SORCS2: variants seen among roughly 807,000 people sequenced by gnomAD.
SORCS2 encodes sortilin related VPS10 domain containing receptor 2.
Under a neutral mutation model 141.6 loss-of-function variants are expected in SORCS2, and 100 were observed. The ratio of observed to expected loss-of-function variants is 0.71; its 90% CI spans 0.60 to 0.83. The LOEUF is 0.83. SORCS2 is among the 40% of genes least tolerant of loss of function. The pLI is 0.00. For synonymous variants in SORCS2, 789 were observed against 676.9 expected, an observed-to-expected ratio of 1.17 and a Z score of -2.57; for missense variants, 1,646 against 1,560.2, an observed-to-expected ratio of 1.05 and a Z score of -0.93.
intron 3 of SORCS2, among the ~76,000 whole-genome samples, chr4:7,636,723 C>T (rs1419816040): frequency 2.6e-5 from 4 of 152,076 alleles, no homozygotes; most frequent in African/African-American, 9.7e-5. Flanking sequence ...CTCCCTTCCT[C>T]ACGCCTCCCT....
chr4:7,565,289 G>A (rs2109688592), intron 3 of SORCS2, among the ~76,000 whole-genome samples: 1 of 152,300 alleles, frequency 6.6e-6, no homozygotes, highest in Non-Finnish European at 1.5e-5. Flanking sequence ...GAAGTGAGAG[G>A]ATTATTCTGC....
rs1038946278 is a variant in SORCS2, at chr4:7,380,297, C to T, written c.481-15991C>T. ...TCTGGCTTTAAACAAGTAACATTCA[C>T]AGGGGACAGGCTTTTGTGGTTTCAT... is the stretch of plus-strand genomic sequence containing the variant. On this transcript the variant is annotated intron_variant, in intron 1 of 26. Coordinates refer to ENST00000507866, the MANE Select transcript of SORCS2 (RefSeq NM_020777.3). Among the ~76,000 whole-genome samples the T allele has an allele frequency of 4.8e-5, 7 of 146,402 alleles. No individual in the cohort carries two copies. The East Asian group carries it at 1.3e-3, about 28-fold the overall frequency.
intron 1 of SORCS2, among the ~76,000 whole-genome samples, chr4:7,241,826 C>T (rs1041001198): frequency 2.0e-5 from 3 of 152,208 alleles, no homozygotes; most frequent in Admixed American, 2.0e-4. Flanking sequence ...AATGAGCAAA[C>T]ATCTGTGTGC....
Position 7,697,277 on chromosome 4 carries a change from A to G in SORCS2, c.1668+3A>G. 3 of 1,582,394 alleles carry G rather than the reference A, an allele frequency of 1.9e-6. No homozygotes were observed. The highest frequency in any genetic ancestry group is 2.6e-6 in the Non-Finnish European group (3 of 1,164,554). On this transcript the variant is annotated splice_donor_region_variant and intron_variant, in intron 12 of 26. Transcript: ENST00000507866. ...ACTGTGGTCACACCTGGCGGCAGGT[A>G]AGCTGGCTGGGAGGTGCCTGGTACC...
At chr4:7,531,388 A>C (rs1560361301) in intron 2 of SORCS2, 142 bp from the exon 3 acceptor site, 1 of 676,886 alleles carries the variant, frequency 1.5e-6, no homozygotes, top group South Asian at 1.9e-5. Flanking sequence ...CACTGCCCCC[A>C]GGCAGAGTGC....
intron 4 of SORCS2, among the ~76,000 whole-genome samples, chr4:7,647,567 G>A (rs971795468): frequency 2.0e-5 from 3 of 152,338 alleles, no homozygotes; most frequent in East Asian, 3.9e-4. Flanking sequence ...AGGGACGTTT[G>A]CTGCAATTGC....
chr4:7,717,009 G>A (rs1469680684), intron 17 of SORCS2, among the ~76,000 whole-genome samples: 3 of 152,230 alleles, frequency 2.0e-5, no homozygotes, highest in Non-Finnish European at 4.4e-5. Context: ...CAAGAGGGGG[G>A]ATCAGCCTTG....
chr4:7,418,064 T>C (rs895267425), intron 2 of SORCS2, among the ~76,000 whole-genome samples: 2 of 152,146 alleles, frequency 1.3e-5, no homozygotes, highest in Non-Finnish European at 2.9e-5. Flanking sequence ...AGCTGGAGGC[T>C]CTTACCAGTT....
At chr4:7,549,517 G>A (rs536997545) in intron 3 of SORCS2, among the ~76,000 whole-genome samples, 76 of 152,228 alleles carry the variant, frequency 5.0e-4, no homozygotes, top group African/African-American at 1.6e-3. Flanking sequence ...GTCACTGGTC[G>A]CCTAAGGGCT....
intron 3 of SORCS2, among the ~76,000 whole-genome samples, chr4:7,574,703 G>A (rs1264900765): frequency 2.0e-5 from 3 of 152,258 alleles, no homozygotes; most frequent in African/African-American, 7.2e-5. Context: ...AAAATCATAA[G>A]GAAGTCACCA....
At chr4:7,527,948 G>A (rs772990300) in intron 2 of SORCS2, among the ~76,000 whole-genome samples, 4 of 152,102 alleles carry the variant, frequency 2.6e-5, no homozygotes, top group African/African-American at 4.8e-5. Context: ...TCCCCTTAGC[G>A]TCTCCCAGGA....
At chr4:7,274,174 T>C (rs1484777240) in intron 1 of SORCS2, among the ~76,000 whole-genome samples, 1 of 152,204 alleles carries the variant, frequency 6.6e-6, no homozygotes, top group Non-Finnish European at 1.5e-5. Context: ...CAGATCCGGC[T>C]GGACAGACGT....
chr4:7,621,525 G>A (rs1397115648), intron 3 of SORCS2, among the ~76,000 whole-genome samples: 2 of 151,574 alleles, frequency 1.3e-5, no homozygotes, highest in Non-Finnish European at 2.9e-5. Context: ...TTATGTGTGT[G>A]TCTATGTGTG....
rs550103701 is a variant in SORCS2, at chr4:7,306,800, T to C, written c.481-89488T>C. On this transcript the variant is annotated intron_variant, in intron 1 of 26. Transcript: ENST00000507866. Reference sequence around the variant, plus strand: ...GAGTGTGGCCCCGTCCCTGGAGGGGTGCAGGCACAAGTGGCAAGCAACACA... The same window carrying C: ...GAGTGTGGCCCCGTCCCTGGAGGGGCGCAGGCACAAGTGGCAAGCAACACA... Among the ~76,000 whole-genome samples the C allele has an allele frequency of 6.0e-4, 91 of 152,006 alleles. 3 individuals are homozygous for C. Among genetic ancestry groups the C allele is most frequent in the Admixed American group, 2.9e-3 (45 of 15,270 alleles).
At chr4:7,198,738 G>A (rs1727313281) in intron 1 of SORCS2, among the ~76,000 whole-genome samples, 1 of 152,318 alleles carries the variant, frequency 6.6e-6, no homozygotes, top group Non-Finnish European at 1.5e-5. Flanking sequence ...GGTGGGGCAA[G>A]CCTGTCCGGG....
intron 2 of SORCS2, among the ~76,000 whole-genome samples, chr4:7,516,699 C>T (rs531541349): frequency 3.9e-5 from 6 of 152,152 alleles, no homozygotes; most frequent in South Asian, 4.2e-4. Flanking sequence ...GCATGAAGTT[C>T]CCAGAAGGAA....
At chr4:7,718,291 A>G in intron 18 of SORCS2, 108 bp downstream of exon 18, 2 of 1,295,122 alleles carry the variant, frequency 1.5e-6, no homozygotes, top group East Asian at 2.6e-5. Context: ...GAAGTGGCTC[A>G]GGGCATCGTC....
intron 1 of SORCS2, among the ~76,000 whole-genome samples, chr4:7,298,839 A>G (rs1717245824): frequency 6.6e-6 from 1 of 152,202 alleles, no homozygotes; most frequent in Non-Finnish European, 1.5e-5. Flanking sequence ...TGGGATCCTC[A>G]TGCTGCATCC....
At chr4:7,550,964 G>T (rs576730016) in intron 3 of SORCS2, among the ~76,000 whole-genome samples, 1 of 152,192 alleles carries the variant, frequency 6.6e-6, no homozygotes, top group African/African-American at 2.4e-5. Flanking sequence ...TTTTTGGTAA[G>T]CCCATCTCAT....
Sources: gnomAD v4.1 joint callset for allele counts (sites outside exome capture counted in the v4.1 genomes callset) on GRCh38, gnomAD v4.1.1 for gene constraint, MANE v1.5 for transcripts, NCBI Gene and HGNC (gene_info 2026-07-23, HGNC 2026-07-21) for gene names.